The following TRMT11 variants were observed in gnomAD, a reference collection of about 807,000 sequenced individuals.
TRMT11 encodes tRNA methyltransferase 11, also known as tRNA (guanine(10)-N(2))-methyltransferase TRMT11.
In TRMT11, 53 loss-of-function variants were observed where a neutral mutation model predicts 62.8. The observed-to-expected ratio is 0.84, with a 90% CI of 0.68 to 1.06. The LOEUF is 1.06. Among genes scored for constraint, TRMT11 ranks in the 50% least tolerant of loss-of-function variants. The probability of loss-of-function intolerance (pLI) is 0.00; values close to 1 mark genes in which losing one functional copy is unlikely to be tolerated. For missense variants in TRMT11, 556 were observed against 553.4 expected (o/e 1.00, Z -0.05); for synonymous variants, 188 against 190.3 (o/e 0.99, Z 0.10).
chr6:126,038,779 A>ATT lies in TRMT11; in HGVS notation c.1336_1337insTT (p.Tyr446PhefsTer6), dbSNP rs1775689746. ...AAGGTCATAATTCCTTCCGTGAGAA[A>ATT]TATTTTAGTGGGGTAACAAAAAGAA... is the stretch of plus-strand genomic sequence containing the variant. On this transcript the variant is annotated frameshift_variant, in exon 13 of 13. Coordinates refer to ENST00000334379, the MANE Select transcript of TRMT11 (RefSeq NM_001031712.3). LOFTEE classifies it high-confidence loss of function. 1 of 1,607,560 alleles carries ATT rather than the reference A, an allele frequency of 6.2e-7. No individual in the cohort carries two copies. The highest frequency in any genetic ancestry group is 2.2e-5 in the East Asian group (1 of 44,456).
the TRMT11 span, among the ~76,000 whole-genome samples, chr6:126,241,015 A>G: frequency 6.6e-6 from 1 of 152,254 alleles, no homozygotes; most frequent in Admixed American, 6.5e-5. Flanking sequence ...AGCCAGGCAC[A>G]GGATATAATC....
chr6:126,206,717 C>A (rs1001646497), downstream of TRMT11, among the ~76,000 whole-genome samples: 19 of 152,282 alleles, frequency 1.2e-4, no homozygotes, highest in African/African-American at 3.8e-4. Flanking sequence ...AAAGGATTGA[C>A]TTCCTTCAAA....
chr6:126,074,354 G>A (rs1776949611), intron 17 of TRMT11, among the ~76,000 whole-genome samples: 1 of 152,106 alleles, frequency 6.6e-6, no homozygotes, highest in Admixed American at 6.6e-5. Flanking sequence ...TAAGCACAGG[G>A]CACAGGTTTT....
At chr6:126,109,028 A>G (rs564299332) in intron 17 of TRMT11, among the ~76,000 whole-genome samples, 1 of 152,284 alleles carries the variant, frequency 6.6e-6, no homozygotes, top group South Asian at 2.1e-4. Flanking sequence ...ATGTTTTACC[A>G]CATTTATTTT....
At chr6:126,238,087 T>C in the TRMT11 span, among the ~76,000 whole-genome samples, 3 of 152,204 alleles carry the variant, frequency 2.0e-5, no homozygotes, top group Non-Finnish European at 2.9e-5. Flanking sequence ...TGTGTCTATT[T>C]GATTCTTCTC....
chr6:126,072,117 T>C (rs2128141411), intron 17 of TRMT11, among the ~76,000 whole-genome samples: 1 of 152,274 alleles, frequency 6.6e-6, no homozygotes, highest in South Asian at 2.1e-4. Context: ...TGAGAGCCAC[T>C]GTGATATAGT....
intron 17 of TRMT11, among the ~76,000 whole-genome samples, chr6:126,055,243 GC>G (rs1026995918): frequency 2.6e-5 from 4 of 152,150 alleles, no homozygotes; most frequent in African/African-American, 9.7e-5. Context: ...ATGATTACAG[GC>G]ATGAGCCACT....
chr6:126,141,629 T>A (rs1777918046), intron 21 of TRMT11, among the ~76,000 whole-genome samples: 2 of 152,226 alleles, frequency 1.3e-5, no homozygotes, highest in South Asian at 4.1e-4. Flanking sequence ...TTCTGTTAAG[T>A]TTGGGACACA....
downstream of TRMT11, among the ~76,000 whole-genome samples, chr6:126,041,661 A>G (rs950607400): frequency 6.6e-6 from 1 of 152,188 alleles, no homozygotes; most frequent in Non-Finnish European, 1.5e-5. Context: ...GCTCATGTTA[A>G]TAGTTCTAAC....
At chr6:126,142,910 C>T (rs142424610) in intron 21 of TRMT11, among the ~76,000 whole-genome samples, 19 of 151,770 alleles carry the variant, frequency 1.3e-4, no homozygotes, top group Non-Finnish European at 1.8e-4. Context: ...ATAAAAGGTC[C>T]GTCTTAGAGA....
intron 7 of TRMT11, among the ~76,000 whole-genome samples, chr6:126,006,022 A>G (rs1793289522): frequency 6.6e-6 from 1 of 152,014 alleles, no homozygotes; most frequent in Non-Finnish European, 1.5e-5. Context: ...TAAGGAACTG[A>G]CTGTCCTGGT....
At chr6:126,212,756 T>C in the TRMT11 span, among the ~76,000 whole-genome samples, 2 of 152,182 alleles carry the variant, frequency 1.3e-5, no homozygotes, top group Non-Finnish European at 2.9e-5. Context: ...ATTGCTTCTT[T>C]TGCTGTGCAC....
chr6:126,119,327 C>T (rs1222099048), intron 21 of TRMT11, among the ~76,000 whole-genome samples: 1 of 152,014 alleles, frequency 6.6e-6, no homozygotes, highest in East Asian at 1.9e-4. Flanking sequence ...ATTACTTTCC[C>T]TGTTGAGCTC....
chr6:126,042,410 G>A (rs1410811438), downstream of TRMT11, among the ~76,000 whole-genome samples: 1 of 152,152 alleles, frequency 6.6e-6, no homozygotes, highest in Non-Finnish European at 1.5e-5. Flanking sequence ...GGGGATGGAG[G>A]TTTAATTGTA....
At chr6:126,101,547 C>G (rs1777402310) in intron 17 of TRMT11, among the ~76,000 whole-genome samples, 1 of 152,172 alleles carries the variant, frequency 6.6e-6, no homozygotes, top group South Asian at 2.1e-4. Flanking sequence ...AGATGGAATT[C>G]AAGCCTTTCC....
At chr6:126,268,636 C>A in the TRMT11 span, among the ~76,000 whole-genome samples, 1 of 152,164 alleles carries the variant, frequency 6.6e-6, no homozygotes, top group Admixed American at 6.5e-5. Flanking sequence ...CTGGGACATT[C>A]TGCTGCAGTG....
At chr6:126,219,313 A>G in the TRMT11 span, among the ~76,000 whole-genome samples, 2 of 152,134 alleles carry the variant, frequency 1.3e-5, no homozygotes, top group African/African-American at 2.4e-5. Context: ...TGTCCTTTAG[A>G]TAAGACCAAA....
intron 21 of TRMT11, among the ~76,000 whole-genome samples, chr6:126,160,134 G>A (rs954414200): frequency 6.6e-6 from 1 of 152,084 alleles, no homozygotes; most frequent in Non-Finnish European, 1.5e-5. Flanking sequence ...TCATAGTCAT[G>A]TATATCTTAA....
chr6:126,030,592 T>C (rs148036000), intron 12 of TRMT11, among the ~76,000 whole-genome samples: 77 of 152,348 alleles, frequency 5.1e-4, no homozygotes, highest in Middle Eastern at 3.4e-3. Context: ...TATCATAGAA[T>C]AAATTTCATA....
Sources: allele counts gnomAD v4.1 joint callset (sites outside exome capture counted in the v4.1 genomes callset), GRCh38; gene constraint gnomAD v4.1.1; transcripts MANE v1.5; gene names NCBI Gene and HGNC (gene_info 2026-07-23, HGNC 2026-07-21).